Variants in DNAH11 observed in about 807,000 individuals in gnomAD.
The protein encoded by DNAH11 is dynein axonemal heavy chain 11.
Under a neutral mutation model 526.0 loss-of-function variants are expected in DNAH11, and 442 were observed. The observed-to-expected ratio is 0.84, with a 90% CI of 0.78 to 0.91. The LOEUF is 0.91. DNAH11 is among the 40% of genes least tolerant of loss of function. The probability of loss-of-function intolerance (pLI) is 0.00; values close to 1 mark genes in which losing one functional copy is unlikely to be tolerated. For synonymous variants in DNAH11, 2,461 were observed against 1,935.9 expected (o/e 1.27, Z -7.12); for missense variants, 6,989 against 5,448.7 (o/e 1.28, Z -8.90).
intron 26 of DNAH11, among the ~76,000 whole-genome samples, chr7:21,637,165 G>A (rs1221737616): frequency 3.3e-5 from 5 of 151,606 alleles, no homozygotes; most frequent in South Asian, 2.1e-4. Flanking sequence ...GATTCTGGGC[G>A]CTCTCTCATT....
chr7:21,661,992 T>G (rs1782260084), intron 30 of DNAH11, among the ~76,000 whole-genome samples: 1 of 152,004 alleles, frequency 6.6e-6, no homozygotes, highest in Admixed American at 6.6e-5. Flanking sequence ...CTAATTTTTG[T>G]GTTTTTAGTA....
chr7:21,838,397 T>C (rs1448428941), intron 65 of DNAH11, among the ~76,000 whole-genome samples: 1 of 152,212 alleles, frequency 6.6e-6, no homozygotes, highest in Admixed American at 6.5e-5. Flanking sequence ...ATAAGTCACA[T>C]ATTATATAAT....
intron 20 of DNAH11, among the ~76,000 whole-genome samples, chr7:21,612,954 T>C (rs1785593255): frequency 6.6e-6 from 1 of 152,242 alleles, no homozygotes; most frequent in African/African-American, 2.4e-5. Context: ...TCATTCAACA[T>C]TCATTCATGA....
intron 61 of DNAH11, among the ~76,000 whole-genome samples, chr7:21,791,510 G>C (rs1462944689): frequency 1.3e-5 from 2 of 152,166 alleles, no homozygotes; most frequent in Non-Finnish European, 2.9e-5. Context: ...ATAGTGTCCT[G>C]ATGAGACTTG....
intron 36 of DNAH11, among the ~76,000 whole-genome samples, chr7:21,702,005 C>G (rs1784083321): frequency 6.6e-6 from 1 of 151,904 alleles, no homozygotes; most frequent in South Asian, 2.1e-4. Flanking sequence ...ATGTGCTAGC[C>G]CCAAGAAGAC....
At chr7:21,898,626 CTTAATT>C (rs1321088498) in intron 79 of DNAH11, among the ~76,000 whole-genome samples, 1 of 152,172 alleles carries the variant, frequency 6.6e-6, no homozygotes, top group Non-Finnish European at 1.5e-5. Context: ...TCACTTCTCT[CTTAATT>C]TTATCGAAGA....
At chr7:21,756,883 C>G (rs1786663035) in intron 54 of DNAH11, among the ~76,000 whole-genome samples, 3 of 152,134 alleles carry the variant, frequency 2.0e-5, no homozygotes, top group African/African-American at 7.2e-5. Flanking sequence ...CACGTGTCTT[C>G]CTTTAGTCAA....
In DNAH11 at chr7:21,687,195, A is replaced by G. The variant is rs575903719; in HGVS notation, c.5718A>G (p.Leu1906=). ...GGAAAACAGAGACCACCAAAGACCT[A>G]GGACGTGCCCTTGGCATGATGGTCT... ...GTGKTETTKD[L]GRALGMMVYV... is the part of the protein sequence containing the mutation. Residue 1906 remains leucine, a synonymous_variant, in exon 33 of 82, where the codon CTA becomes CTG. Coordinates refer to ENST00000409508, the MANE Select transcript of DNAH11 (RefSeq NM_001277115.2). 20 of 1,611,250 alleles carry G rather than the reference A, an allele frequency of 1.2e-5. No individual in the cohort carries two copies. The South Asian group carries it at 2.2e-4, about 18-fold the overall frequency.
chr7:21,841,836 TTC>T (rs1782215910), intron 65 of DNAH11, among the ~76,000 whole-genome samples: 2 of 152,188 alleles, frequency 1.3e-5, no homozygotes, highest in African/African-American at 4.8e-5. Context: ...ACAAAAGCCC[TTC>T]TCAAGCCTGC....
chr7:21,554,771 C>A lies in DNAH11; in HGVS notation c.496-4031C>A, dbSNP rs1404834944. Among the ~76,000 whole-genome samples the A allele has an allele frequency of 5.9e-5, 9 of 152,186 alleles. No homozygotes were observed. The South Asian group carries it at 1.9e-3, about 32-fold the overall frequency. On this transcript the variant is annotated intron_variant, in intron 2 of 81. Coordinates refer to ENST00000409508, the MANE Select transcript of DNAH11 (RefSeq NM_001277115.2). Reference sequence around the variant, plus strand: ...TCAGTACTTGTAAGAGGAGCATTTACAAAGCCAGTCTCTCCCTGTCTATGG... The same window carrying A: ...TCAGTACTTGTAAGAGGAGCATTTAAAAAGCCAGTCTCTCCCTGTCTATGG...
intron 2 of DNAH11, among the ~76,000 whole-genome samples, 162 bp downstream of exon 2, chr7:21,545,311 G>T (rs1782767838): frequency 7.3e-6 from 1 of 137,540 alleles, no homozygotes; most frequent in South Asian, 2.6e-4. Context: ...GTAGAAGCCA[G>T]GAGTCTCTAG....
At chr7:21,690,623 G>A (rs530465257) in intron 34 of DNAH11, 142 bp from the exon 35 acceptor site, 100 of 600,772 alleles carry the variant, frequency 1.7e-4, no homozygotes, top group African/African-American at 1.4e-3. Context: ...TTCAAAATAT[G>A]TATGGGCTTA....
chr7:21,897,868 C>T lies in DNAH11; in HGVS notation c.13050-1468C>T, dbSNP rs1285098194. Among the ~76,000 whole-genome samples the T allele has an allele frequency of 3.3e-5, 5 of 152,140 alleles. No individual in the cohort carries two copies. The South Asian group carries it at 6.2e-4, about 19-fold the overall frequency. On this transcript the variant is annotated intron_variant, in intron 79 of 81. Coordinates refer to ENST00000409508, the MANE Select transcript of DNAH11 (RefSeq NM_001277115.2). ...CTGACCTCAAGTGATCCACCTGCCTCGGCCTCCCAAAGTGCTGGGATTACA... is the reference window on the plus strand; with the variant it reads ...CTGACCTCAAGTGATCCACCTGCCTTGGCCTCCCAAAGTGCTGGGATTACA...
At chr7:21,676,179 A>G (rs185395462) in intron 30 of DNAH11, among the ~76,000 whole-genome samples, 17 of 152,322 alleles carry the variant, frequency 1.1e-4, no homozygotes, top group African/African-American at 4.1e-4. Context: ...AGTTCAAGAT[A>G]CATGCTGTAC....
rs79561084 is a variant in DNAH11 at position 21,667,784 on chromosome 7, T to G, written c.5328+8753T>G. Among the ~76,000 whole-genome samples, 160 of 152,200 alleles carry G rather than the reference T, an allele frequency of 1.1e-3. 4 individuals carry two copies. The East Asian group carries it at 0.025, about 24-fold the overall frequency. On this transcript the variant is annotated intron_variant, in intron 30 of 81. Transcript: ENST00000409508. ...TAAAATGACTGTGTACGTATGTGAT[T>G]TTTTTTGCTAATAATTAAGTCAAAA...
chr7:21,685,972 A>G (rs757344503), intron 32 of DNAH11, among the ~76,000 whole-genome samples: 20 of 152,208 alleles, frequency 1.3e-4, no homozygotes, highest in Non-Finnish European at 2.8e-4. Context: ...TGGCAGCCAT[A>G]TGCCTACCCA....
intron 76 of DNAH11, among the ~76,000 whole-genome samples, chr7:21,892,117 T>A (rs1180356228): frequency 6.6e-6 from 1 of 152,276 alleles, no homozygotes; most frequent in African/African-American, 2.4e-5. Context: ...TGGGAGTGTG[T>A]TATAGGGTAG....
chr7:21,817,544 G>C (rs923898844), intron 64 of DNAH11, among the ~76,000 whole-genome samples: 19 of 122,986 alleles, frequency 1.5e-4, no homozygotes, highest in Non-Finnish European at 2.6e-4. Flanking sequence ...AAAAAAAAAA[G>C]TTGCCAGGTA....
rs1448954851 is a variant in DNAH11, at chr7:21,606,719, A to G, written c.3838A>G (p.Thr1280Ala). 6.2e-7 allele frequency: 1 copy of G among 1,609,504 alleles called. No individual in the cohort carries two copies. The highest frequency in any genetic ancestry group is 8.5e-7 in the Non-Finnish European group (1 of 1,178,122). ...PLGFNAENPY[T>A]ALDKANEELE... is the part of the protein sequence containing the mutation. ...TGGATTTAATGCAGAAAATCCATAC[A>G]CAGCGCTTGATAAGGTAATACAGAT... The change falls in exon 20 of 82, where the codon ACA becomes GCA. Residue 1280 changes from threonine to alanine, a missense_variant. Coordinates refer to ENST00000409508, the MANE Select transcript of DNAH11 (RefSeq NM_001277115.2).
Sources: gnomAD v4.1 joint callset for allele counts (sites outside exome capture counted in the v4.1 genomes callset) on GRCh38, gnomAD v4.1.1 for gene constraint, MANE v1.5 for transcripts, NCBI Gene and HGNC (gene_info 2026-07-23, HGNC 2026-07-21) for gene names.